SCN2A: variants seen among roughly 807,000 people sequenced by gnomAD.
The protein encoded by SCN2A is sodium channel protein type 2 subunit alpha.
In SCN2A, 20 loss-of-function variants were observed where a neutral mutation model predicts 188.7. The observed-to-expected ratio is 0.11, with a 90% CI of 0.07 to 0.15. The LOEUF is 0.15. Ranked by LOEUF, SCN2A falls within the 10% of genes least tolerant of loss-of-function variation. The probability of loss-of-function intolerance (pLI) is 1.00; values close to 1 mark genes in which losing one functional copy is unlikely to be tolerated. For synonymous variants in SCN2A, 804 were observed against 833.1 expected, an observed-to-expected ratio of 0.97 and a Z score of 0.60; for missense variants, 1,278 against 2,445.0, an observed-to-expected ratio of 0.52 and a Z score of 10.07.
At chr2:165,375,030 T>A in intron 22 of SCN2A, 64 bp downstream of exon 22, 1 of 1,396,508 alleles carries the variant, frequency 7.2e-7, no homozygotes, top group East Asian at 2.3e-5. Context: ...TTTTTCTTCC[T>A]CATAATGAGA....
chr2:165,277,227 T>G (rs1275329466), intron 1 of SCN2A, among the ~76,000 whole-genome samples: 1 of 152,216 alleles, frequency 6.6e-6, no homozygotes, highest in African/African-American at 2.4e-5. Flanking sequence ...TATCTGCTAG[T>G]AATTGAGGAT....
At chr2:165,286,856 C>T (rs997019967) in intron 1 of SCN2A, among the ~76,000 whole-genome samples, 1 of 152,104 alleles carries the variant, frequency 6.6e-6, no homozygotes, top group Non-Finnish European at 1.5e-5. Flanking sequence ...TGAGGTGTGT[C>T]CAATTCTTTC....
Position 165,350,460 on chromosome 2 carries a change from C to CTTTTTTTTTTTTTTTTT in SCN2A, c.2920-3729_2920-3728insTTTTTTTTTTTTTTTTT, listed in dbSNP as rs796595702. Among the ~76,000 whole-genome samples the CTTTTTTTTTTTTTTTTT allele has an allele frequency of 2.4e-4, 19 of 77,924 alleles. 2 individuals are homozygous for CTTTTTTTTTTTTTTTTT. The highest frequency in any genetic ancestry group is 8.3e-4 in the African/African-American group (19 of 23,030). 51.1% of individuals were successfully genotyped at this position (77,924 alleles called of 152,430 possible). Reference sequence around the variant, plus strand: ...CTGAGTGAGCTTGCTGAACTGTTTTCTTTCTTTTTTTTTTTTTTTTTTTTT... The same window carrying CTTTTTTTTTTTTTTTTT: ...CTGAGTGAGCTTGCTGAACTGTTTTCTTTTTTTTTTTTTTTTTTTTCTTTTTTTTTTTTTTTTTTTTT... On this transcript the variant is annotated intron_variant, in intron 16 of 26. Coordinates refer to ENST00000375437, the MANE Select transcript of SCN2A (RefSeq NM_001040142.2).
At chr2:165,337,739 GAT>G (rs1699077826) in intron 14 of SCN2A, among the ~76,000 whole-genome samples, 1 of 151,884 alleles carries the variant, frequency 6.6e-6, no homozygotes, top group African/African-American at 2.4e-5. Flanking sequence ...AGAATTTTAA[GAT>G]AAACAAAAAC....
chr2:165,385,968 A>G (rs1191603306), intron 25 of SCN2A, among the ~76,000 whole-genome samples: 2 of 152,200 alleles, frequency 1.3e-5, no homozygotes, highest in Non-Finnish European at 2.9e-5. Flanking sequence ...TGAGAACATA[A>G]TACGTGAGTT....
chr2:165,306,371 A>G (rs1426183684), intron 3 of SCN2A, among the ~76,000 whole-genome samples: 4 of 152,142 alleles, frequency 2.6e-5, no homozygotes, highest in African/African-American at 9.7e-5. Context: ...TTTTTCCCCA[A>G]TAGGGCTCAG....
chr2:165,354,021 G>A (rs1294909428), intron 16 of SCN2A, among the ~76,000 whole-genome samples, 171 bp from the exon 17 acceptor site: 1 of 152,094 alleles, frequency 6.6e-6, no homozygotes, highest in Non-Finnish European at 1.5e-5. Context: ...ATTTTATATT[G>A]ACCAAGCATT....
chr2:165,267,056 T>C (rs1410369179), intron 1 of SCN2A: 1 of 152,084 alleles, frequency 6.6e-6, no homozygotes, highest in Non-Finnish European at 1.5e-5. Context: ...AAAGAATTAA[T>C]GTTCTTAAAA....
chr2:165,346,725 C>CA (rs933380723), intron 16 of SCN2A, among the ~76,000 whole-genome samples: 2 of 152,142 alleles, frequency 1.3e-5, no homozygotes, highest in African/African-American at 2.4e-5. Context: ...CCAGAATCTA[C>CA]AAAAAACTTA....
chr2:165,341,125 G>A (rs1167900543), intron 14 of SCN2A, among the ~76,000 whole-genome samples: 1 of 152,122 alleles, frequency 6.6e-6, no homozygotes, highest in African/African-American at 2.4e-5. Flanking sequence ...ACGGAGTCTT[G>A]CTCTTTCGCC....
chr2:165,304,650 A>G (rs1335119841), intron 3 of SCN2A, among the ~76,000 whole-genome samples: 2 of 152,188 alleles, frequency 1.3e-5, no homozygotes, highest in Non-Finnish European at 2.9e-5. Flanking sequence ...GGGGTATATA[A>G]CTGGTAATAG....
intron 3 of SCN2A, among the ~76,000 whole-genome samples, chr2:165,307,161 C>T (rs74653177): frequency 4.6e-5 from 7 of 152,164 alleles, no homozygotes; most frequent in Non-Finnish European, 8.8e-5. Context: ...CTATTACGCA[C>T]TAGGGCCATT....
In SCN2A at chr2:165,317,092, T is replaced by C. The variant is rs77756095; in HGVS notation, c.1671+1334T>C. On this transcript the variant is annotated intron_variant, in intron 11 of 26. Transcript: ENST00000375437. ...TTTTTATAATATAGACAAGCTCACATAACCTCACATGTGATATATATAAAT... is the reference window on the plus strand; with the variant it reads ...TTTTTATAATATAGACAAGCTCACACAACCTCACATGTGATATATATAAAT... 5.8e-3 allele frequency among the ~76,000 whole-genome samples: 882 copies of C among 152,312 alleles called. 20 individuals carry two copies. In the East Asian group the frequency reaches 0.089, roughly 15 times the overall value.
intron 1 of SCN2A, among the ~76,000 whole-genome samples, chr2:165,278,584 G>C (rs1695447734): frequency 6.6e-6 from 1 of 152,174 alleles, no homozygotes; most frequent in Non-Finnish European, 1.5e-5. Flanking sequence ...TTTAAGATGA[G>C]ATTTGGGTGG....
chr2:165,260,034 T>G (rs1024741041), intron 1 of SCN2A, among the ~76,000 whole-genome samples: 2 of 149,288 alleles, frequency 1.3e-5, no homozygotes, highest in Non-Finnish European at 3.0e-5. Context: ...GGCTCCATCT[T>G]CTGGGTTCCC....
At chr2:165,354,973 C>A (rs1392492653) in intron 17 of SCN2A, among the ~76,000 whole-genome samples, 2 of 152,126 alleles carry the variant, frequency 1.3e-5, no homozygotes, top group African/African-American at 4.8e-5. Context: ...GCCTCAATTT[C>A]TCCACTTTCT....
chr2:165,324,733 G>A lies in SCN2A; in HGVS notation c.2016+1233G>A, dbSNP rs543586786. ...AACATTATCCCAATTTTACAGAGGA[G>A]GAAACTGAGGCTTGTGCGTGGTGGA... On this transcript the variant is annotated intron_variant, in intron 12 of 26. Transcript: ENST00000375437. Among the ~76,000 whole-genome samples, 13 of 152,220 alleles carry A rather than the reference G, an allele frequency of 8.5e-5. No individual in the cohort carries two copies. In the South Asian group the frequency reaches 2.5e-3, roughly 29 times the overall value.
At position 165,365,269 on chromosome 2, in the gene SCN2A, CA is replaced by C. The variant is rs955426239; in HGVS notation, c.3520+10del. ...TGAAGCCTGTTTTACAGAAGGTAAG[CA>C]AAACAATAACATATGTGGTCTTGAG... On this transcript the variant is annotated splice_region_variant and intron_variant, in intron 18 of 26. Coordinates refer to ENST00000375437, the MANE Select transcript of SCN2A (RefSeq NM_001040142.2). 1 of 1,613,494 alleles carries C rather than the reference CA, an allele frequency of 6.2e-7. No individual in the cohort carries two copies. Among genetic ancestry groups the C allele is most frequent in the Non-Finnish European group, 8.5e-7 (1 of 1,179,716 alleles).
At chr2:165,339,740 T>C (rs1699206507) in intron 14 of SCN2A, among the ~76,000 whole-genome samples, 1 of 152,218 alleles carries the variant, frequency 6.6e-6, no homozygotes, top group Admixed American at 6.5e-5. Flanking sequence ...TCTACCCAAA[T>C]GTATCTATCA....
Sources: allele counts gnomAD v4.1 joint callset (sites outside exome capture counted in the v4.1 genomes callset), GRCh38; gene constraint gnomAD v4.1.1; transcripts MANE v1.5; gene names NCBI Gene and HGNC (gene_info 2026-07-23, HGNC 2026-07-21).